The following DDAH1 variants were observed in gnomAD, a reference collection of about 807,000 sequenced individuals.
DDAH1 encodes dimethylarginine dimethylaminohydrolase 1, also known as N(G),N(G)-dimethylarginine dimethylaminohydrolase 1.
A neutral mutation model predicts 28.8 loss-of-function variants in DDAH1; 19 were observed. That is an observed-to-expected ratio of 0.66 (90% CI 0.46 to 0.97). The LOEUF is 0.97. Ranked by LOEUF, DDAH1 falls within the 50% of genes least tolerant of loss-of-function variation. The probability of loss-of-function intolerance (pLI) is 0.00; values close to 1 mark genes in which losing one functional copy is unlikely to be tolerated. For missense variants in DDAH1, 326 were observed against 375.9 expected (o/e 0.87, Z 1.10); for synonymous variants, 153 against 154.4 (o/e 0.99, Z 0.07).
upstream of DDAH1, among the ~76,000 whole-genome samples, chr1:85,466,829 A>ATTTTTTTTT (rs1158919618): frequency 8.6e-5 from 4 of 46,564 alleles, no homozygotes; most frequent in East Asian, 6.0e-4. Flanking sequence ...TTCATTATTT[A>ATTTTTTTTT]TTCTTTTTTT....
intron 1 of DDAH1, among the ~76,000 whole-genome samples, chr1:85,452,965 C>A (rs1358204332): frequency 6.6e-6 from 1 of 152,182 alleles, no homozygotes; most frequent in Non-Finnish European, 1.5e-5. Flanking sequence ...TGTTAGAAAA[C>A]TGATTTTATC....
intron 1 of DDAH1, among the ~76,000 whole-genome samples, chr1:85,497,883 G>C (rs144816141): frequency 3.5e-4 from 53 of 152,278 alleles, no homozygotes; most frequent in East Asian, 2.9e-3. Flanking sequence ...TTCCCCCTGA[G>C]ATTTCAAGTA....
intron 1 of DDAH1, among the ~76,000 whole-genome samples, chr1:85,395,676 A>G (rs1651777470): frequency 6.6e-6 from 1 of 151,698 alleles, no homozygotes; most frequent in South Asian, 2.1e-4. Flanking sequence ...CCATCTCAAA[A>G]AAAAAAAAAG....
At chr1:85,347,800 T>C (rs980015628) in intron 4 of DDAH1, among the ~76,000 whole-genome samples, 9 of 152,176 alleles carry the variant, frequency 5.9e-5, no homozygotes, top group African/African-American at 1.2e-4. Context: ...TTATTAATTT[T>C]ATTGATGGTT....
At chr1:85,544,897 G>A (rs1172999730) in intron 1 of DDAH1, among the ~76,000 whole-genome samples, 2 of 152,106 alleles carry the variant, frequency 1.3e-5, no homozygotes, top group African/African-American at 4.8e-5. Context: ...TGTCACACCC[G>A]CACAGATGCC....
chr1:85,350,889 A>G (rs1649162878), intron 3 of DDAH1, among the ~76,000 whole-genome samples: 1 of 152,092 alleles, frequency 6.6e-6, no homozygotes, highest in South Asian at 2.1e-4. Context: ...CTTCCTATGC[A>G]GTGTAGAGAG....
At chr1:85,512,845 A>T (rs950400138) in intron 1 of DDAH1, among the ~76,000 whole-genome samples, 1 of 152,216 alleles carries the variant, frequency 6.6e-6, no homozygotes, top group African/African-American at 2.4e-5. Flanking sequence ...TCAATGAAAT[A>T]AAAGAGGACA....
chr1:85,398,116 T>G (rs1308483603), intron 1 of DDAH1, among the ~76,000 whole-genome samples: 2 of 151,990 alleles, frequency 1.3e-5, no homozygotes, highest in Non-Finnish European at 2.9e-5. Flanking sequence ...CCTAGGAACC[T>G]CAAGACACTA....
intron 4 of DDAH1, among the ~76,000 whole-genome samples, chr1:85,345,589 G>A (rs544847922): frequency 1.3e-5 from 2 of 152,254 alleles, no homozygotes; most frequent in African/African-American, 4.8e-5. Context: ...TATTAAATGT[G>A]TTGTGGTGGC....
In DDAH1 at chr1:85,479,177, T is replaced by C. The variant is rs1199051112; in HGVS notation, c.-7+16989A>G. On this transcript the variant is annotated intron_variant, in intron 2 of 6. Transcript: ENST00000426972. The stretch of plus-strand genomic sequence containing the variant: ...TGTTTTTCTTTTTTTTTTTTTTTTT[T>C]TTTTTTTGAGACGGAGTCTTGCTCT... Among the ~76,000 whole-genome samples the C allele has an allele frequency of 1.1e-4, 14 of 132,556 alleles. No homozygotes were observed. In the East Asian group the frequency reaches 2.5e-3, roughly 24 times the overall value. The allele number at this position is 132,556 out of a possible 152,430, so 87.0% of individuals were successfully genotyped here.
At chr1:85,475,462 T>C (rs1309977420) in intron 2 of DDAH1, among the ~76,000 whole-genome samples, 1 of 152,192 alleles carries the variant, frequency 6.6e-6, no homozygotes, top group East Asian at 1.9e-4. Flanking sequence ...CATTCTAGGG[T>C]CAAACCCCAT....
At chr1:85,477,323 C>A (rs17127783) in intron 2 of DDAH1, among the ~76,000 whole-genome samples, 1 of 152,022 alleles carries the variant, frequency 6.6e-6, no homozygotes, top group East Asian at 1.9e-4. Context: ...TCCATAAATA[C>A]GTGCCTCCCC....
chr1:85,339,858 GACA>G (rs1175856769), intron 4 of DDAH1, among the ~76,000 whole-genome samples: 5 of 152,172 alleles, frequency 3.3e-5, no homozygotes, highest in East Asian at 3.9e-4. Flanking sequence ...CAGCTCAACT[GACA>G]ACGTTTCCTA....
chr1:85,418,728 TC>T, intron 1 of DDAH1, among the ~76,000 whole-genome samples: 1 of 152,342 alleles, frequency 6.6e-6, no homozygotes, highest in Non-Finnish European at 1.5e-5. Context: ...CTGTCACTTC[TC>T]CTTTTAACAC....
At chr1:85,566,479 G>A (rs1237665133) in intron 1 of DDAH1, among the ~76,000 whole-genome samples, 1 of 137,966 alleles carries the variant, frequency 7.2e-6, no homozygotes, top group Non-Finnish European at 1.5e-5. Context: ...GTGACAGAGC[G>A]AGACCCCATC....
intron 4 of DDAH1, among the ~76,000 whole-genome samples, chr1:85,334,446 CA>C (rs1319785766): frequency 6.6e-6 from 1 of 152,224 alleles, no homozygotes; most frequent in African/African-American, 2.4e-5. Context: ...TCTGTGTCCC[CA>C]CCCAAATCTC....
Position 85,514,631 on chromosome 1 carries a change from G to GT in DDAH1, c.-122-18351dup, listed in dbSNP as rs1199407334. ...GATCACTTCCAATGATGGCAAATTA[G>GT]TTTTTTTTTCCTTTTCTTTCACTTT... On this transcript the variant is annotated intron_variant, in intron 1 of 6. Coordinates refer to the DDAH1 transcript ENST00000426972. 4.1e-5 allele frequency among the ~76,000 whole-genome samples: 6 copies of GT among 147,264 alleles called. No homozygotes were observed. The East Asian group carries it at 6.0e-4, about 15-fold the overall frequency.
At chr1:85,343,381 T>C (rs1432101994) in intron 4 of DDAH1, among the ~76,000 whole-genome samples, 2 of 152,216 alleles carry the variant, frequency 1.3e-5, no homozygotes, top group Non-Finnish European at 2.9e-5. Context: ...TCTGGGAATA[T>C]TGTCAGATGA....
chr1:85,434,846 T>C (rs192394857), intron 1 of DDAH1, among the ~76,000 whole-genome samples: 4 of 152,258 alleles, frequency 2.6e-5, no homozygotes, highest in African/African-American at 7.2e-5. Context: ...TAGAATTTGA[T>C]TGGAACAATA....
Sources: allele counts gnomAD v4.1 joint callset (sites outside exome capture counted in the v4.1 genomes callset), GRCh38; gene constraint gnomAD v4.1.1; transcripts MANE v1.5; gene names NCBI Gene and HGNC (gene_info 2026-07-23, HGNC 2026-07-21).